The following CFDP1 variants were observed in gnomAD, a reference collection of about 807,000 sequenced individuals.
The protein encoded by CFDP1 is heterochromatin-stabilizing protein CFDP1.
In CFDP1, 31 loss-of-function variants were observed where a neutral mutation model predicts 40.1. The ratio of observed to expected loss-of-function variants is 0.77; its 90% CI spans 0.58 to 1.04. The LOEUF is 1.04. CFDP1 is among the 50% of genes least tolerant of loss of function. CFDP1 has a pLI of 0.00. For synonymous variants in CFDP1, 167 were observed against 120.0 expected, an observed-to-expected ratio of 1.39 and a Z score of -2.56; for missense variants, 423 against 343.4, an observed-to-expected ratio of 1.23 and a Z score of -1.83.
At chr16:75,305,636 G>C (rs1252630378) in intron 5 of CFDP1, among the ~76,000 whole-genome samples, 4 of 152,140 alleles carry the variant, frequency 2.6e-5, no homozygotes, top group African/African-American at 9.7e-5. Flanking sequence ...TACACGTAAA[G>C]GGCTAAAACA....
At chr16:75,414,810 T>A in intron 1 of CFDP1, 115 bp from the exon 2 acceptor site, 1 of 707,422 alleles carries the variant, frequency 1.4e-6, no homozygotes, top group Non-Finnish European at 2.4e-6. Context: ...AAAAGTGAAT[T>A]TTCCCCTACT....
chr16:75,316,484 C>T (rs980442892), intron 5 of CFDP1, among the ~76,000 whole-genome samples: 3 of 148,212 alleles, frequency 2.0e-5, no homozygotes, highest in South Asian at 2.1e-4. Flanking sequence ...GAGGGAGGAT[C>T]GCTTACGCCT....
chr16:75,389,641 T>C (rs1379075727), intron 5 of CFDP1, among the ~76,000 whole-genome samples: 2 of 149,290 alleles, frequency 1.3e-5, no homozygotes, highest in Non-Finnish European at 3.0e-5. Context: ...TGCAAGACAA[T>C]TTCTATAAAC....
At chr16:75,421,928 C>T (rs368597597) in intron 1 of CFDP1, among the ~76,000 whole-genome samples, 8 of 152,178 alleles carry the variant, frequency 5.3e-5, no homozygotes, top group African/African-American at 1.9e-4. Flanking sequence ...AAACTATGTA[C>T]ATCCTCTTGC....
At chr16:75,338,654 A>G (rs928377296) in intron 5 of CFDP1, among the ~76,000 whole-genome samples, 9 of 152,038 alleles carry the variant, frequency 5.9e-5, no homozygotes, top group African/African-American at 2.2e-4. Context: ...TTTTTTGCTC[A>G]TCTATTCTTT....
chr16:75,332,319 G>A (rs1437620765), intron 5 of CFDP1, among the ~76,000 whole-genome samples: 1 of 151,988 alleles, frequency 6.6e-6, no homozygotes, highest in Admixed American at 6.5e-5. Flanking sequence ...ACAAAAATTA[G>A]CACGCTGTAG....
At chr16:75,322,185 C>G (rs982915519) in intron 5 of CFDP1, among the ~76,000 whole-genome samples, 1 of 152,180 alleles carries the variant, frequency 6.6e-6, no homozygotes. Flanking sequence ...TAAGAAGAAT[C>G]AGAAATCTAG....
intron 4 of CFDP1, among the ~76,000 whole-genome samples, chr16:75,395,717 CAAT>C (rs1245534554): frequency 2.0e-5 from 3 of 152,066 alleles, no homozygotes; most frequent in Admixed American, 6.6e-5. Flanking sequence ...AATGAAACAA[CAAT>C]GTGTATAAAT....
chr16:75,362,974 T>C (rs555461590), intron 5 of CFDP1: 22 of 152,234 alleles, frequency 1.4e-4, no homozygotes, highest in African/African-American at 5.1e-4. Context: ...AAAAGCAAAC[T>C]GTTGGCTCTG....
At chr16:75,299,941 G>C (rs1389285538) in intron 6 of CFDP1, among the ~76,000 whole-genome samples, 1 of 152,150 alleles carries the variant, frequency 6.6e-6, no homozygotes, top group African/African-American at 2.4e-5. Flanking sequence ...GCACTACACA[G>C]AGACAGTGAG....
intron 4 of CFDP1, among the ~76,000 whole-genome samples, chr16:75,404,876 T>C (rs959743662): frequency 6.6e-6 from 1 of 152,202 alleles, no homozygotes; most frequent in Non-Finnish European, 1.5e-5. Context: ...GCACAACGGA[T>C]AGCGCGCTGG....
At chr16:75,329,316 A>T (rs1002488329) in intron 5 of CFDP1, among the ~76,000 whole-genome samples, 29 of 152,228 alleles carry the variant, frequency 1.9e-4, no homozygotes, top group African/African-American at 6.5e-4. Context: ...ATGGACAAAA[A>T]TACCAAAAGA....
At chr16:75,371,053 A>G (rs2151539771) in intron 5 of CFDP1, among the ~76,000 whole-genome samples, 1 of 152,328 alleles carries the variant, frequency 6.6e-6, no homozygotes, top group South Asian at 2.1e-4. Flanking sequence ...CAGAATTGTA[A>G]AAAACAAACT....
At chr16:75,365,687 G>C (rs902182954) in intron 5 of CFDP1, among the ~76,000 whole-genome samples, 3 of 152,002 alleles carry the variant, frequency 2.0e-5, no homozygotes, top group African/African-American at 7.3e-5. Context: ...CTCCAGCTTG[G>C]GCAATACAGT....
chr16:75,325,937 C>T (rs9932982), intron 5 of CFDP1, among the ~76,000 whole-genome samples: 32,638 of 152,158 alleles, frequency 0.21, 3,886 homozygotes, highest in African/African-American at 0.31. Flanking sequence ...CCTAGGCTGG[C>T]TTAGGCACCT....
intron 5 of CFDP1, among the ~76,000 whole-genome samples, chr16:75,329,031 T>A (rs571249801): frequency 6.6e-6 from 1 of 152,166 alleles, no homozygotes; most frequent in South Asian, 2.1e-4. Context: ...GTATTTTTAG[T>A]AGAGACGGGG....
intron 5 of CFDP1, among the ~76,000 whole-genome samples, chr16:75,382,150 T>C (rs1567664300): frequency 2.7e-5 from 4 of 150,614 alleles, no homozygotes; most frequent in Admixed American, 1.3e-4. Flanking sequence ...CTCAGAGGCA[T>C]ACCAGTCTTA....
chr16:75,318,634 G>A (rs1040139912), intron 5 of CFDP1, among the ~76,000 whole-genome samples: 1 of 152,058 alleles, frequency 6.6e-6, no homozygotes, highest in Non-Finnish European at 1.5e-5. Context: ...TCGATCTCCT[G>A]ACCTTGTGAT....
chr16:75,389,442 C>G (rs2078929655), intron 5 of CFDP1, among the ~76,000 whole-genome samples: 1 of 152,170 alleles, frequency 6.6e-6, no homozygotes, highest in African/African-American at 2.4e-5. Context: ...AAGCAGTGTG[C>G]TATTTTAAAC....
Sources: gnomAD v4.1 joint callset for allele counts (sites outside exome capture counted in the v4.1 genomes callset) on GRCh38, gnomAD v4.1.1 for gene constraint, MANE v1.5 for transcripts, NCBI Gene and HGNC (gene_info 2026-07-23, HGNC 2026-07-21) for gene names.